Variants in DEK observed in about 807,000 individuals in gnomAD.
DEK encodes DEK proto-oncogene, also known as protein DEK.
Under a neutral mutation model 46.8 loss-of-function variants are expected in DEK, and 28 were observed. The observed-to-expected ratio is 0.60, with a 90% CI of 0.44 to 0.82. DEK has a LOEUF of 0.82. Ranked by LOEUF, DEK falls within the 40% of genes least tolerant of loss-of-function variation. DEK has a pLI of 0.00. For synonymous variants in DEK, 160 were observed against 144.5 expected (o/e 1.11, Z -0.77); for missense variants, 416 against 430.6 (o/e 0.97, Z 0.30).
Position 18,264,434 on chromosome 6 carries a change from C to T in DEK, c.-59G>A. On this transcript the variant is annotated 5_prime_UTR_variant, in exon 1 of 11. Transcript: ENST00000652689. ...TGGCACGCGAGGGCACGAGGAGGTT[C>T]TGGGAGGCGGCGGCGGCCGACGCCG... The T allele has an allele frequency of 3.6e-6, 1 of 275,184 alleles. No individual in the cohort carries two copies. The highest frequency in any genetic ancestry group is 7.5e-6 in the Non-Finnish European group (1 of 134,154). 17.0% of individuals were successfully genotyped at this position (275,184 alleles called of 1,614,324 possible).
At chr6:18,251,889 T>C (rs896190584) in intron 6 of DEK, among the ~76,000 whole-genome samples, 1 of 151,446 alleles carries the variant, frequency 6.6e-6, no homozygotes, top group Non-Finnish European at 1.5e-5. Context: ...TCCAGGAAAG[T>C]GAAAAGATGT....
At chr6:18,244,463 C>T (rs1232989023) in intron 7 of DEK, 1 of 1,079,192 alleles carries the variant, frequency 9.3e-7, no homozygotes. Context: ...GACATAAGCA[C>T]TTTTTGAAGG....
chr6:18,226,199 T>C lies in DEK; in HGVS notation c.1091A>G (p.Asp364Gly), dbSNP rs1299186777. The C allele has an allele frequency of 6.7e-6, 9 of 1,340,888 alleles. No homozygotes were observed. Among genetic ancestry groups the C allele is most frequent in the African/African-American group, 3.1e-5 (2 of 65,506 alleles). The allele number at this position is 1,340,888 out of a possible 1,614,324, so 83.1% of individuals were successfully genotyped here. A position where few individuals can be genotyped will look rare whatever the true frequency, so the allele number is the denominator to read the frequency against. ...YPTYDLTERKDFIKTTVKELI... is the reference protein window; with the variant it reads ...YPTYDLTERKGFIKTTVKELI... ...CTCTTTTACAGTTGTTTTTATGAAA[T>C]CTTTTCTTTCAGTTAAATCATAAGT... The change falls in exon 10 of 11, where the codon GAT becomes GGT. Residue 364 changes from aspartate (D) to glycine (G), a missense_variant. Coordinates refer to ENST00000652689, the MANE Select transcript of DEK (RefSeq NM_003472.4).
chr6:18,255,865 T>G lies in DEK; in HGVS notation c.453-14A>C. The G allele has an allele frequency of 2.5e-6, 4 of 1,593,334 alleles. No individual in the cohort carries two copies. Among genetic ancestry groups the G allele is most frequent in the Non-Finnish European group, 2.6e-6 (3 of 1,175,384 alleles). On this transcript the variant is annotated splice_polypyrimidine_tract_variant and intron_variant, in intron 5 of 10. Coordinates refer to ENST00000652689, the MANE Select transcript of DEK (RefSeq NM_003472.4). ...GCATTTCTAAATCTGAAACAGAAAA[T>G]GGAAGAAACCAAGGTGTTAATATAG...
intron 6 of DEK, among the ~76,000 whole-genome samples, chr6:18,253,939 G>A (rs1012700989): frequency 1.3e-5 from 2 of 152,102 alleles, no homozygotes; most frequent in East Asian, 3.9e-4. Context: ...CTGAGCTCAA[G>A]TGATCCACCT....
chr6:18,262,482 A>C (rs78752549), intron 2 of DEK, among the ~76,000 whole-genome samples: 5,262 of 152,258 alleles, frequency 0.035, 268 homozygotes, highest in African/African-American at 0.11. Context: ...AGGGGATAAA[A>C]TTTCTACAAC....
At chr6:18,236,364 T>C in intron 9 of DEK, 88 bp downstream of exon 9, 1 of 1,388,290 alleles carries the variant, frequency 7.2e-7, no homozygotes, top group East Asian at 2.4e-5. Context: ...AATAAGTGAA[T>C]GCACGTAAGT....
At chr6:18,251,582 C>G (rs1383838079) in intron 6 of DEK, among the ~76,000 whole-genome samples, 1 of 152,178 alleles carries the variant, frequency 6.6e-6, no homozygotes, top group African/African-American at 2.4e-5. Context: ...AGAAGATTCT[C>G]TATAAGAAAT....
chr6:18,238,993 C>T (rs1017047941), intron 7 of DEK, among the ~76,000 whole-genome samples: 23 of 152,008 alleles, frequency 1.5e-4, no homozygotes, highest in African/African-American at 4.8e-4. Context: ...GGCATGATCT[C>T]GGCTCACCGC....
At chr6:18,258,194 T>G in intron 3 of DEK, 110 bp downstream of exon 3, 2 of 1,131,688 alleles carry the variant, frequency 1.8e-6, no homozygotes, top group Non-Finnish European at 2.5e-6. Context: ...TTAAATAAAA[T>G]TATACCAAAA....
chr6:18,241,726 G>A (rs1300186066), intron 7 of DEK, among the ~76,000 whole-genome samples: 4 of 151,992 alleles, frequency 2.6e-5, no homozygotes, highest in Admixed American at 1.3e-4. Flanking sequence ...CAGCTTTCCC[G>A]GCTACATATA....
rs1278025774 is a variant in DEK, at chr6:18,236,451, CCT to C, written c.1046_1047del (p.Lys349SerfsTer3). 2 of 1,609,300 alleles carry C rather than the reference CCT, an allele frequency of 1.2e-6. No individual in the cohort carries two copies. The highest frequency in any genetic ancestry group is 1.7e-6 in the Non-Finnish European group (2 of 1,178,560). On this transcript the variant is annotated frameshift_variant and splice_region_variant, in exon 9 of 11. Coordinates refer to ENST00000652689, the MANE Select transcript of DEK (RefSeq NM_003472.4). LOFTEE classifies it high-confidence loss of function. The part of the protein sequence containing the change: ...EEVTMKQICK[K>X]VYENYPTYDL... Reference sequence around the variant, plus strand: ...AATAATCTAAACATTTGTCTAATTACCTTTTTGCAAATCTGTTTCATTGTGAC... The same window carrying C: ...AATAATCTAAACATTTGTCTAATTACTTTTGCAAATCTGTTTCATTGTGAC...
At chr6:18,231,543 G>A (rs190390827) in intron 9 of DEK, among the ~76,000 whole-genome samples, 32 of 152,174 alleles carry the variant, frequency 2.1e-4, no homozygotes, top group African/African-American at 5.1e-4. Flanking sequence ...TATCACCACC[G>A]ATCCCACAGA....
intron 5 of DEK, among the ~76,000 whole-genome samples, 166 bp from the exon 6 acceptor site, chr6:18,256,017 C>T (rs1791578920): frequency 6.7e-6 from 1 of 149,708 alleles, no homozygotes; most frequent in Non-Finnish European, 1.5e-5. Flanking sequence ...GAGACAGTTT[C>T]GCTCTTGTTG....
In DEK at chr6:18,224,568, A is replaced by C. The variant is rs140400691; in HGVS notation, c.*1151T>G. The C allele has an allele frequency of 9.9e-6, 2 of 202,268 alleles. No individual in the cohort carries two copies. Among genetic ancestry groups the C allele is most frequent in the African/African-American group, 4.6e-5 (2 of 43,618 alleles). 12.5% of individuals were successfully genotyped at this position (202,268 alleles called of 1,614,324 possible). A position where few individuals can be genotyped will look rare whatever the true frequency, so the allele number is the denominator to read the frequency against. ...ATCAACACTGATTAACCAAACTCTG[A>C]AAGCCAAGAGCCCCAACTCCAGAGA... On this transcript the variant is annotated 3_prime_UTR_variant, in exon 11 of 11. Transcript: ENST00000652689.
chr6:18,262,286 T>C (rs1373946623), intron 2 of DEK, among the ~76,000 whole-genome samples: 1 of 148,688 alleles, frequency 6.7e-6, no homozygotes, highest in Non-Finnish European at 1.5e-5. Flanking sequence ...TGTTTCTTTA[T>C]AGTAACGCAA....
intron 7 of DEK, among the ~76,000 whole-genome samples, chr6:18,248,240 A>G (rs1180770880): frequency 1.3e-5 from 2 of 152,210 alleles, no homozygotes; most frequent in Non-Finnish European, 2.9e-5. Context: ...AATCCAATAT[A>G]GAGGTCAGAT....
At chr6:18,240,940 G>A (rs142314825) in intron 7 of DEK, among the ~76,000 whole-genome samples, 98 of 152,216 alleles carry the variant, frequency 6.4e-4, no homozygotes, top group African/African-American at 2.1e-3. Context: ...GACATGGCCC[G>A]CAAACATCTA....
chr6:18,246,405 A>G (rs1791116692), intron 7 of DEK, among the ~76,000 whole-genome samples: 1 of 152,238 alleles, frequency 6.6e-6, no homozygotes, highest in African/African-American at 2.4e-5. Context: ...AATTACAAGG[A>G]AAAGAATTGC....
Sources: gnomAD v4.1 joint callset for allele counts (sites outside exome capture counted in the v4.1 genomes callset) on GRCh38, gnomAD v4.1.1 for gene constraint, MANE v1.5 for transcripts, NCBI Gene and HGNC (gene_info 2026-07-23, HGNC 2026-07-21) for gene names.